XYLT1: variants seen among roughly 807,000 people sequenced by gnomAD.
XYLT1 encodes the protein xylosyltransferase 1.
Under a neutral mutation model 91.3 loss-of-function variants are expected in XYLT1, and 36 were observed. The ratio of observed to expected loss-of-function variants is 0.39; its 90% CI spans 0.30 to 0.52. The LOEUF (loss-of-function observed/expected upper bound fraction) is 0.52, where lower values mean the gene tolerates loss of function less well. XYLT1 is among the 20% of genes least tolerant of loss of function. XYLT1 has a pLI of 0.68. For synonymous variants in XYLT1, 588 were observed against 532.0 expected (o/e 1.11, Z -1.45); for missense variants, 1,242 against 1,284.5 (o/e 0.97, Z 0.51).
intron 3 of XYLT1, among the ~76,000 whole-genome samples, chr16:17,224,448 C>T (rs1294596051): frequency 6.6e-6 from 1 of 152,198 alleles, no homozygotes; most frequent in East Asian, 1.9e-4. Flanking sequence ...AGTCTTATTT[C>T]GCAGTCTTAT....
At chr16:17,280,488 G>T (rs1351663021) in intron 2 of XYLT1, among the ~76,000 whole-genome samples, 1 of 152,124 alleles carries the variant, frequency 6.6e-6, no homozygotes, top group Admixed American at 6.5e-5. Context: ...ATACAATCTA[G>T]ATTTATGAAA....
chr16:17,349,811 T>C (rs1328243225), intron 2 of XYLT1, among the ~76,000 whole-genome samples: 6 of 152,100 alleles, frequency 3.9e-5, no homozygotes, highest in African/African-American at 1.5e-4. Context: ...TATGAATGCA[T>C]GTCCAATGTA....
intron 2 of XYLT1, among the ~76,000 whole-genome samples, chr16:17,276,001 C>T (rs1456927186): frequency 6.6e-6 from 1 of 152,042 alleles, no homozygotes; most frequent in East Asian, 1.9e-4. Flanking sequence ...GATGCACATA[C>T]ACACACACAA....
intron 5 of XYLT1, among the ~76,000 whole-genome samples, chr16:17,191,872 G>A (rs1264732819): frequency 2.0e-5 from 3 of 152,232 alleles, no homozygotes; most frequent in Admixed American, 1.3e-4. Context: ...ATACCCAAGA[G>A]GCAGAAGTAG....
intron 1 of XYLT1, among the ~76,000 whole-genome samples, chr16:17,422,940 C>T (rs116057078): frequency 0.029 from 4,343 of 152,294 alleles, 181 homozygotes; most frequent in African/African-American, 0.098. Flanking sequence ...TTGCTCACCA[C>T]GCCCTGCATC....
At chr16:17,132,795 C>T (rs1287662714) in intron 9 of XYLT1, among the ~76,000 whole-genome samples, 3 of 152,106 alleles carry the variant, frequency 2.0e-5, no homozygotes, top group East Asian at 1.9e-4. Flanking sequence ...CTCAGCTACT[C>T]AGGAGGCTGA....
At chr16:17,290,403 C>T (rs886119172) in intron 2 of XYLT1, among the ~76,000 whole-genome samples, 3 of 152,250 alleles carry the variant, frequency 2.0e-5, no homozygotes, top group Admixed American at 1.3e-4. Flanking sequence ...ACCTCAGTCC[C>T]GGGACCTGGC....
In XYLT1 at chr16:17,274,564, A is replaced by G. The variant is rs369395848; in HGVS notation, c.403-15066T>C. Among the ~76,000 whole-genome samples the G allele has an allele frequency of 2.3e-4, 35 of 152,322 alleles. No homozygotes were observed. The East Asian group carries it at 2.5e-3, about 11-fold the overall frequency. On this transcript the variant is annotated intron_variant, in intron 2 of 11. Transcript: ENST00000261381. ...AAGTATGAATATAAGTTATTTTAAT[A>G]TAGGACCAAAAGGGAGTGTAGGGAT... is the stretch of plus-strand genomic sequence containing the variant.
intron 1 of XYLT1, among the ~76,000 whole-genome samples, chr16:17,411,219 G>A (rs932020537): frequency 7.2e-5 from 11 of 152,312 alleles, no homozygotes; most frequent in Admixed American, 3.3e-4. Flanking sequence ...ACTGAACATA[G>A]TACTTGTAAT....
intron 2 of XYLT1, among the ~76,000 whole-genome samples, chr16:17,268,901 G>T (rs1466626650): frequency 6.6e-6 from 1 of 152,030 alleles, no homozygotes; most frequent in African/African-American, 2.4e-5. Context: ...TCAAACTCCT[G>T]ACTTCAGGTG....
rs115400747 is a variant in XYLT1 at position 17,226,301 on chromosome 16, A to G, written c.914-25647T>C. Among the ~76,000 whole-genome samples the G allele has an allele frequency of 7.9e-3, 1,209 of 152,316 alleles. 10 individuals carry two copies. The highest frequency in any genetic ancestry group is 0.028 in the African/African-American group (1,148 of 41,574). ...TTACAGAGCCACATACCGTAGGGAC[A>G]TTCAAGGCCACCGTTACATTCAAAG... On this transcript the variant is annotated intron_variant, in intron 3 of 11. Transcript: ENST00000261381.
intron 6 of XYLT1, among the ~76,000 whole-genome samples, chr16:17,158,203 C>G (rs4782027): frequency 0.47 from 71,294 of 152,084 alleles, 17,501 homozygotes; most frequent in Non-Finnish European, 0.53. Context: ...TGACATTGTT[C>G]ATTTTAAGCG....
intron 6 of XYLT1, among the ~76,000 whole-genome samples, chr16:17,146,620 A>C (rs2031139359): frequency 6.6e-6 from 1 of 151,138 alleles, no homozygotes. Flanking sequence ...ATAAAAAAGC[A>C]TTTCTGGTTG....
chr16:17,197,218 C>G (rs1025140789), intron 5 of XYLT1, among the ~76,000 whole-genome samples: 1 of 151,886 alleles, frequency 6.6e-6, no homozygotes, highest in Non-Finnish European at 1.5e-5. Flanking sequence ...GTTCCTCGCA[C>G]AGGCCAGGCA....
intron 1 of XYLT1, among the ~76,000 whole-genome samples, chr16:17,455,582 C>CTAAATAAATAAATAAATAAA (rs71137993): frequency 1.4e-5 from 2 of 144,246 alleles, no homozygotes; most frequent in Non-Finnish European, 3.0e-5. Context: ...GACTCCATCT[C>CTAAATAAATAAATAAATAAA]TAAATAAATA....
At chr16:17,280,498 A>G (rs2034041661) in intron 2 of XYLT1, among the ~76,000 whole-genome samples, 2 of 152,238 alleles carry the variant, frequency 1.3e-5, no homozygotes, top group Admixed American at 1.3e-4. Flanking sequence ...GATTTATGAA[A>G]TAATTCAAAA....
At chr16:17,123,454 A>G (rs1350226831) in intron 10 of XYLT1, among the ~76,000 whole-genome samples, 2 of 152,136 alleles carry the variant, frequency 1.3e-5, no homozygotes, top group East Asian at 3.8e-4. Flanking sequence ...GGAGCAAGTT[A>G]TTTAGTTTCC....
intron 1 of XYLT1, among the ~76,000 whole-genome samples, chr16:17,441,389 T>TA (rs1026455675): frequency 5.3e-5 from 8 of 151,722 alleles, no homozygotes; most frequent in African/African-American, 1.9e-4. Context: ...AATATTGCAC[T>TA]AAAAAAAAGG....
At chr16:17,141,770 A>C (rs950322643) in intron 6 of XYLT1, among the ~76,000 whole-genome samples, 2 of 152,242 alleles carry the variant, frequency 1.3e-5, no homozygotes, top group Admixed American at 6.5e-5. Flanking sequence ...TTGTCTCAGA[A>C]TAGTACTCTT....
Sources: allele counts gnomAD v4.1 joint callset (sites outside exome capture counted in the v4.1 genomes callset), GRCh38; gene constraint gnomAD v4.1.1; transcripts MANE v1.5; gene names NCBI Gene and HGNC (gene_info 2026-07-23, HGNC 2026-07-21).